ZNF76: variants seen among roughly 807,000 people sequenced by gnomAD.
The protein encoded by ZNF76 is zinc finger protein 76.
A neutral mutation model predicts 66.9 loss-of-function variants in ZNF76; 66 were observed. The ratio of observed to expected loss-of-function variants is 0.99; its 90% CI spans 0.81 to 1.21. The LOEUF (loss-of-function observed/expected upper bound fraction) is 1.21, where lower values mean the gene tolerates loss of function less well. ZNF76 is among the 50% of genes most tolerant of loss of function. The pLI is 0.00. For synonymous variants in ZNF76, 275 were observed against 296.1 expected (o/e 0.93, Z 0.73); for missense variants, 729 against 760.3 (o/e 0.96, Z 0.48).
In ZNF76 at chr6:35,291,287, T is replaced by C. The variant is rs553223376; in HGVS notation, c.635T>C (p.Leu212Pro). 1.2e-6 allele frequency: 2 copies of C among 1,610,148 alleles called. No individual in the cohort carries two copies. The highest frequency in any genetic ancestry group is 1.7e-5 in the Admixed American group (1 of 59,416). ...CGKAFATGYG[L>P]KSHVRTHTGE... Reference sequence around the variant, plus strand: ...TGCCACATATGGACAGGCTATGGACTGAAGAGCCACGTTCGTACCCACACT... The same window carrying C: ...TGCCACATATGGACAGGCTATGGACCGAAGAGCCACGTTCGTACCCACACT... Residue 212 changes from leucine (L) to proline (P), a missense_variant, in exon 8 of 14, where the codon CTG (leucine) becomes CCG (proline). Physicochemically the swap from Leu to Pro is moderately conservative, Grantham distance 98. Coordinates refer to ENST00000373953, the MANE Select transcript of ZNF76 (RefSeq NM_003427.5).
In ZNF76 at chr6:35,292,726, C is replaced by T. The variant is rs1557567; in HGVS notation, c.1104C>T (p.His368=). The T allele has an allele frequency of 0.78, 1,260,471 of 1,613,990 alleles. 502,734 individuals are homozygous for T. The highest frequency in any genetic ancestry group is 0.82 in the South Asian group (74,427 of 91,078). Reference sequence around the variant, plus strand: ...TGGCCATGCACAAGCGCAGTGCCCACGGCGAGCTGGAGGCCACGGAGGAGA... The same window carrying T: ...TGGCCATGCACAAGCGCAGTGCCCATGGCGAGCTGGAGGCCACGGAGGAGA... ...STLAMHKRSA[H]GELEATEESE... Residue 368 remains histidine (H), a synonymous_variant, in exon 10 of 14, where the codon CAC becomes CAT. Transcript: ENST00000373953. This position sits in a 1 kb window ranked among gnomAD's most constrained non-coding sequence, Gnocchi z 4.7.
chr6:35,295,145 T>C lies in ZNF76; in HGVS notation c.1610T>C (p.Leu537Pro). 2 of 1,610,642 alleles carry C rather than the reference T, an allele frequency of 1.2e-6. No homozygotes were observed. Among genetic ancestry groups the C allele is most frequent in the Non-Finnish European group, 1.7e-6 (2 of 1,178,164 alleles). Reference sequence around the variant, plus strand: ...CCTTCTGCACCCCCTTCCCCACAGCTGGAGGAACAGCAGACCTTAGAGGAG... The same window carrying C: ...CCTTCTGCACCCCCTTCCCCACAGCCGGAGGAACAGCAGACCTTAGAGGAG... ...TANGTHIAVQLEEQQTLEEAI... is the reference protein window; with the variant it reads ...TANGTHIAVQPEEQQTLEEAI... The change falls in exon 14 of 14, where the codon CTG (leucine) becomes CCG (proline). Residue 537 changes from leucine (L) to proline (P), a missense_variant and splice_region_variant. Physicochemically the swap from Leu to Pro is moderately conservative, Grantham distance 98. Coordinates refer to ENST00000373953, the MANE Select transcript of ZNF76 (RefSeq NM_003427.5).
intron 12 of ZNF76, 39 bp downstream of exon 12, chr6:35,293,954 C>A: frequency 6.2e-7 from 1 of 1,605,872 alleles, no homozygotes; most frequent in Non-Finnish European, 8.5e-7. Context: ...CTTATTTTGT[C>A]ATTCCTTTCC....
chr6:35,280,590 A>G (rs1788637868), intron 1 of ZNF76, among the ~76,000 whole-genome samples: 1 of 146,174 alleles, frequency 6.8e-6, no homozygotes, highest in African/African-American at 2.5e-5. Context: ...TGGAAGTACA[A>G]TAGTTCTGGA....
intron 2 of ZNF76, among the ~76,000 whole-genome samples, chr6:35,283,800 C>G (rs1010110333): frequency 3.9e-5 from 6 of 152,212 alleles, no homozygotes; most frequent in African/African-American, 1.4e-4. Flanking sequence ...TAGCCTACTG[C>G]TCTGTGGGTG....
intron 1 of ZNF76, among the ~76,000 whole-genome samples, chr6:35,265,328 G>C (rs1017657322): frequency 6.6e-6 from 1 of 151,916 alleles, no homozygotes. Flanking sequence ...CCAACATGGC[G>C]AAACCCCAGC....
chr6:35,294,699 C>G, intron 13 of ZNF76, 130 bp downstream of exon 13: 1 of 728,312 alleles, frequency 1.4e-6, no homozygotes, highest in Non-Finnish European at 2.4e-6. Flanking sequence ...GAGGACAGAT[C>G]CCTTTCCTCC....
At chr6:35,293,381 A>G (rs1790723210) in intron 11 of ZNF76, among the ~76,000 whole-genome samples, 1 of 152,192 alleles carries the variant, frequency 6.6e-6, no homozygotes, top group Non-Finnish European at 1.5e-5. Flanking sequence ...ATGGGGTCTG[A>G]AAGCCTGGGG....
upstream of ZNF76, chr6:35,259,631 C>T (rs1020346895): frequency 1.3e-5 from 2 of 151,616 alleles, no homozygotes; most frequent in Non-Finnish European, 1.5e-5. Context: ...CGGGGTGGAC[C>T]GTGCCCGGTA....
intron 1 of ZNF76, among the ~76,000 whole-genome samples, chr6:35,272,505 G>GTA (rs1364924630): frequency 2.8e-4 from 24 of 86,384 alleles, no homozygotes; most frequent in African/African-American, 7.6e-4. Flanking sequence ...GTGTGTGTGT[G>GTA]TGTGTGTATG....
At position 35,291,308 on chromosome 6, in the gene ZNF76, A is replaced by G. The variant is rs748567620; in HGVS notation, c.656A>G (p.His219Arg). Residue 219 changes from histidine to arginine, a missense_variant, in exon 8 of 14, where the codon CAC (histidine) becomes CGC (arginine). Physicochemically the swap from His to Arg is conservative, Grantham distance 29. Coordinates refer to ENST00000373953, the MANE Select transcript of ZNF76 (RefSeq NM_003427.5). ...GYGLKSHVRT[H>R]TGEKPYKCPE... is the part of the protein sequence containing the mutation. ...GGACTGAAGAGCCACGTTCGTACCC[A>G]CACTGGTGAGAAACCATACAAGTGC... 2 of 1,613,520 alleles carry G rather than the reference A, an allele frequency of 1.2e-6. No homozygotes were observed. Among genetic ancestry groups the G allele is most frequent in the Non-Finnish European group, 1.7e-6 (2 of 1,179,736 alleles).
At chr6:35,294,710 T>G (rs879340134) in intron 13 of ZNF76, 141 bp downstream of exon 13, 8 of 707,420 alleles carry the variant, frequency 1.1e-5, no homozygotes, top group Non-Finnish European at 2.0e-5. Flanking sequence ...CCTTTCCTCC[T>G]GCATCCATGC....
intron 1 of ZNF76, among the ~76,000 whole-genome samples, chr6:35,278,734 A>G (rs1788303969): frequency 6.6e-6 from 1 of 152,356 alleles, no homozygotes; most frequent in South Asian, 2.1e-4. Context: ...CAGGCTTCAC[A>G]AGTGTTGGGG....
chr6:35,262,551 A>G (rs1408258003), intron 1 of ZNF76, among the ~76,000 whole-genome samples: 1 of 152,096 alleles, frequency 6.6e-6, no homozygotes, highest in Non-Finnish European at 1.5e-5. Flanking sequence ...AAATCCTTTC[A>G]TCTTGTTAAG....
chr6:35,264,847 G>T (rs1785764121), intron 1 of ZNF76, among the ~76,000 whole-genome samples: 1 of 152,126 alleles, frequency 6.6e-6, no homozygotes, highest in South Asian at 2.1e-4. Flanking sequence ...CTGTTGCACT[G>T]CTTCTCAGCT....
At position 35,291,292 on chromosome 6, in the gene ZNF76, A is replaced by G. The variant is rs1216706005; in HGVS notation, c.640A>G (p.Ser214Gly). Residue 214 changes from serine to glycine, a missense_variant, in exon 8 of 14, where the codon AGC (serine) becomes GGC (glycine). Ser to Gly is a moderately conservative substitution (Grantham distance 56). Coordinates refer to ENST00000373953, the MANE Select transcript of ZNF76 (RefSeq NM_003427.5). Reference sequence around the variant, plus strand: ...CATATGGACAGGCTATGGACTGAAGAGCCACGTTCGTACCCACACTGGTGA... The same window carrying G: ...CATATGGACAGGCTATGGACTGAAGGGCCACGTTCGTACCCACACTGGTGA... ...KAFATGYGLK[S>G]HVRTHTGEKP... 5 of 1,611,112 alleles carry G rather than the reference A, an allele frequency of 3.1e-6. No homozygotes were observed.
intron 1 of ZNF76, among the ~76,000 whole-genome samples, chr6:35,271,143 T>C (rs186005001): frequency 3.0e-3 from 453 of 152,366 alleles, no homozygotes; most frequent in Admixed American, 7.4e-3. Context: ...TTTGCTTTTA[T>C]TACATGCAGA....
intron 1 of ZNF76, among the ~76,000 whole-genome samples, chr6:35,267,787 C>CG (rs2150341445): frequency 6.6e-6 from 1 of 152,244 alleles, no homozygotes; most frequent in South Asian, 2.1e-4. Flanking sequence ...AAACAGTGAA[C>CG]GTGCATGTCA....
At chr6:35,279,926 G>A (rs1788507284) in intron 1 of ZNF76, 1 of 152,062 alleles carries the variant, frequency 6.6e-6, no homozygotes, top group African/African-American at 2.4e-5. Flanking sequence ...CAAATTCCTG[G>A]GGTCAGGCAG....
Sources: allele counts gnomAD v4.1 joint callset (sites outside exome capture counted in the v4.1 genomes callset), GRCh38; gene constraint gnomAD v4.1.1; non-coding constraint Gnocchi (gnomAD v3.1); transcripts MANE v1.5; gene names NCBI Gene and HGNC (gene_info 2026-07-23, HGNC 2026-07-21).